The following NLGN4X variants were observed in gnomAD, a reference collection of about 807,000 sequenced individuals.
NLGN4X encodes neuroligin 4 X-linked.
A neutral mutation model predicts 40.3 loss-of-function variants in NLGN4X; 3 were observed. The observed-to-expected ratio is 0.07, with a 90% CI of 0.03 to 0.19. The LOEUF is 0.19. NLGN4X is among the 10% of genes least tolerant of loss of function. The pLI is 1.00. For missense variants in NLGN4X, 382 were observed against 708.3 expected (o/e 0.54, Z 5.23); for synonymous variants, 270 against 306.8 (o/e 0.88, Z 1.25).
intron 3 of NLGN4X, among the ~76,000 whole-genome samples, chrX:5,969,786 A>G (rs1247565580): frequency 9.0e-6 from 1 of 110,673 alleles, no homozygotes; most frequent in East Asian, 2.9e-4. Context: ...AATGTCCAAC[A>G]ATGATAGACT....
chrX:5,911,172 G>C (rs372375021), intron 3 of NLGN4X, among the ~76,000 whole-genome samples: 1 of 111,688 alleles, frequency 9.0e-6, no homozygotes, highest in South Asian at 3.8e-4. Context: ...AAAGAAAGAG[G>C]TGATTAATTC....
chrX:6,135,084 C>T (rs758975565), intron 2 of NLGN4X, among the ~76,000 whole-genome samples: 1 of 112,104 alleles, frequency 8.9e-6, no homozygotes, highest in South Asian at 3.7e-4. Context: ...CAGCATGTTG[C>T]GCCCACTCCT....
At chrX:6,085,920 G>A (rs748542099) in intron 2 of NLGN4X, among the ~76,000 whole-genome samples, 1 of 112,048 alleles carries the variant, frequency 8.9e-6, no homozygotes, top group Non-Finnish European at 1.9e-5. Flanking sequence ...ATAGCTCAGC[G>A]CCATTTTTCT....
chrX:6,016,253 CT>C (rs1055677842), intron 3 of NLGN4X, among the ~76,000 whole-genome samples: 1 of 112,050 alleles, frequency 8.9e-6, no homozygotes, highest in East Asian at 2.8e-4. Context: ...ACAACCTCTT[CT>C]TTTTTATTTT....
At chrX:6,079,045 T>C (rs765582172) in intron 2 of NLGN4X, among the ~76,000 whole-genome samples, 35 of 111,432 alleles carry the variant, frequency 3.1e-4, no homozygotes, top group Non-Finnish European at 5.6e-4. Context: ...TTTGCCATGA[T>C]TGTAAATTTC....
chrX:6,136,473 G>T (rs1012436730), intron 2 of NLGN4X, among the ~76,000 whole-genome samples: 4 of 111,585 alleles, frequency 3.6e-5, no homozygotes, highest in Non-Finnish European at 7.5e-5. Context: ...TTATGTGGTT[G>T]TTGGCAGGAT....
chrX:5,992,930 C>A lies in NLGN4X; in HGVS notation c.625+36350G>T, dbSNP rs180820433. ...AATGCCTCCCACCAAGTCACACCTCCAACACTGGGGATCAGTTTTCAACGT... is the reference window on the plus strand; with the variant it reads ...AATGCCTCCCACCAAGTCACACCTCAAACACTGGGGATCAGTTTTCAACGT... On this transcript the variant is annotated intron_variant, in intron 3 of 5. Transcript: ENST00000381095. Among the ~76,000 whole-genome samples the A allele has an allele frequency of 4.4e-3, 489 of 111,607 alleles. 2 individuals carry two copies. Among genetic ancestry groups the A allele is most frequent in the Non-Finnish European group, 7.9e-3 (422 of 53,116 alleles).
At chrX:6,081,709 A>G (rs1285401463) in intron 2 of NLGN4X, among the ~76,000 whole-genome samples, 1 of 112,152 alleles carries the variant, frequency 8.9e-6, no homozygotes, top group Admixed American at 9.4e-5. Context: ...AGGGCATGAC[A>G]CCCTCTCACT....
At chrX:6,129,410 A>G (rs1414340560) in intron 2 of NLGN4X, among the ~76,000 whole-genome samples, 1 of 111,511 alleles carries the variant, frequency 9.0e-6, no homozygotes, top group African/African-American at 3.3e-5. Context: ...CATTGCAGGC[A>G]GGAGGCACCC....
At position 5,904,042 on chromosome X, in the gene NLGN4X, T is replaced by G. The variant is rs771232554; in HGVS notation, c.812-176A>C. Among the ~76,000 whole-genome samples, 145 of 110,310 alleles carry G rather than the reference T, an allele frequency of 1.3e-3. 1 individual carries two copies. Among genetic ancestry groups the G allele is most frequent in the Non-Finnish European group, 2.1e-4 (11 of 52,834 alleles). Reference sequence around the variant, plus strand: ...TTCATTTCCATTCCCCCTTCACCCCTCCTCCTGAACATTCATTTTAGGGAA... The same window carrying G: ...TTCATTTCCATTCCCCCTTCACCCCGCCTCCTGAACATTCATTTTAGGGAA... On this transcript the variant is annotated intron_variant, in intron 4 of 5. Transcript: ENST00000381095.
intron 3 of NLGN4X, among the ~76,000 whole-genome samples, chrX:5,973,018 A>G (rs1488665765): frequency 8.9e-6 from 1 of 112,793 alleles, no homozygotes; most frequent in East Asian, 2.8e-4. Flanking sequence ...GATTGCTTTT[A>G]ATAAACCAAC....
At chrX:6,042,255 G>C (rs1187502988) in intron 2 of NLGN4X, among the ~76,000 whole-genome samples, 1 of 111,319 alleles carries the variant, frequency 9.0e-6, no homozygotes, top group East Asian at 2.8e-4. Flanking sequence ...AGCAATAATT[G>C]ATTTCACACT....
chrX:5,938,173 T>C (rs1249167653), intron 3 of NLGN4X, among the ~76,000 whole-genome samples: 2 of 111,286 alleles, frequency 1.8e-5, no homozygotes, highest in African/African-American at 6.5e-5. Flanking sequence ...AAAATAAAGA[T>C]CAAAGGTCAA....
intron 1 of NLGN4X, chrX:6,227,959 G>GC (rs1491449686): frequency 3.5e-4 from 3 of 8,651 alleles, no homozygotes; most frequent in Non-Finnish European, 6.2e-4. Context: ...TAAAGAATAA[G>GC]GGGGGGGGGT....
At chrX:5,969,178 C>T (rs1412756184) in intron 3 of NLGN4X, among the ~76,000 whole-genome samples, 10 of 110,330 alleles carry the variant, frequency 9.1e-5, no homozygotes, top group African/African-American at 2.6e-4. Flanking sequence ...CAAATGGGAT[C>T]TAATTAAACT....
chrX:6,032,450 C>T (rs1602099885), intron 2 of NLGN4X, among the ~76,000 whole-genome samples: 1 of 103,384 alleles, frequency 9.7e-6, no homozygotes, highest in African/African-American at 3.5e-5. Flanking sequence ...TAGTTCATTA[C>T]TCTTTTCATG....
chrX:6,057,066 T>C (rs1487344025), intron 2 of NLGN4X, among the ~76,000 whole-genome samples: 1 of 111,992 alleles, frequency 8.9e-6, no homozygotes, highest in Admixed American at 9.5e-5. Context: ...ACACTTAGCA[T>C]GAAAGAGGTA....
intron 1 of NLGN4X, among the ~76,000 whole-genome samples, chrX:6,162,483 C>T (rs1199645920): frequency 9.0e-6 from 1 of 111,580 alleles, no homozygotes; most frequent in African/African-American, 3.3e-5. Context: ...AAAGACTAGA[C>T]TAGCTTAGCC....
intron 1 of NLGN4X, among the ~76,000 whole-genome samples, chrX:6,225,102 G>A (rs1490518826): frequency 1.0e-5 from 1 of 99,448 alleles, no homozygotes; most frequent in Non-Finnish European, 2.0e-5. Flanking sequence ...ACATTTCATT[G>A]AGTAATAAAA....
Sources: allele counts gnomAD v4.1 joint callset (sites outside exome capture counted in the v4.1 genomes callset), GRCh38; gene constraint gnomAD v4.1.1; transcripts MANE v1.5; gene names NCBI Gene and HGNC (gene_info 2026-07-23, HGNC 2026-07-21).